Variants in HIP1R observed in about 807,000 individuals in gnomAD.
HIP1R encodes huntingtin interacting protein 1 related.
HIP1R carries 135 observed loss-of-function variants against 144.2 expected under a neutral mutation model. The ratio of observed to expected loss-of-function variants is 0.94; its 90% CI spans 0.81 to 1.08. The LOEUF (loss-of-function observed/expected upper bound fraction) is 1.08, where lower values mean the gene tolerates loss of function less well. Ranked by LOEUF, HIP1R falls within the 50% of genes least tolerant of loss-of-function variation. HIP1R has a pLI of 0.00. For missense variants in HIP1R, 1,462 were observed against 1,432.8 expected (o/e 1.02, Z -0.33); for synonymous variants, 698 against 612.8 (o/e 1.14, Z -2.05).
Position 122,858,084 on chromosome 12 carries a change from CTTCA to C in HIP1R, c.1816-17_1816-14del. 1 of 32,410 alleles carries C rather than the reference CTTCA, an allele frequency of 3.1e-5. No individual in the cohort carries two copies. Among genetic ancestry groups the C allele is most frequent in the Non-Finnish European group, 6.8e-5 (1 of 14,654 alleles). The allele number at this position is 32,410 out of a possible 1,614,324, so 2.0% of individuals were successfully genotyped here. On this transcript the variant is annotated splice_polypyrimidine_tract_variant and intron_variant, in intron 18 of 31. Coordinates refer to ENST00000253083, the MANE Select transcript of HIP1R (RefSeq NM_003959.3). ...TTGGGGAGGATCTCTAACCTGTCCT[CTTCA>C]CCCCCATTGCCAGGAGTCTCAGGAG...
chr12:122,860,737 T>A lies in HIP1R; in HGVS notation c.2719T>A (p.Ser907Thr). Residue 907 changes from serine to threonine, a missense_variant, in exon 28 of 32, where the codon TCC becomes ACC. Ser to Thr is a moderately conservative substitution (Grantham distance 58, BLOSUM62 1). Coordinates refer to ENST00000253083, the MANE Select transcript of HIP1R (RefSeq NM_003959.3). ...TGKYEELIVCSHEIAASTAQL... is the reference protein window; with the variant it reads ...TGKYEELIVCTHEIAASTAQL... Reference sequence around the variant, plus strand: ...CAAGTATGAGGAGCTCATCGTCTGCTCCCACGAGATCGCAGCCAGCACGGC... The same window carrying A: ...CAAGTATGAGGAGCTCATCGTCTGCACCCACGAGATCGCAGCCAGCACGGC... 6.2e-7 allele frequency: 1 copy of A among 1,613,072 alleles called. No individual in the cohort carries two copies. The highest frequency in any genetic ancestry group is 1.1e-5 in the South Asian group (1 of 91,080).
chr12:122,847,262 C>T (rs535463642), intron 1 of HIP1R, among the ~76,000 whole-genome samples: 1 of 150,858 alleles, frequency 6.6e-6, no homozygotes, highest in South Asian at 2.1e-4. Context: ...AGCACAGTCA[C>T]GTCCAGGAAG....
At position 122,860,130 on chromosome 12, in the gene HIP1R, C is replaced by A; in HGVS notation, c.2497-18C>A. On this transcript the variant is annotated intron_variant, in intron 25 of 31. Coordinates refer to ENST00000253083, the MANE Select transcript of HIP1R (RefSeq NM_003959.3). ...GCACCTGGAGGGCCACCAGTCATTG[C>A]TGTCTTGGTCTCGGCAGGCTATCCG... 6.3e-7 allele frequency: 1 copy of A among 1,586,948 alleles called. No individual in the cohort carries two copies. The highest frequency in any genetic ancestry group is 8.6e-7 in the Non-Finnish European group (1 of 1,168,150).
At chr12:122,853,690 C>T (rs1425176283) in intron 7 of HIP1R, 5 of 208,400 alleles carry the variant, frequency 2.4e-5, no homozygotes, top group African/African-American at 6.9e-5. Context: ...CGTGAGCCTC[C>T]TTCCTGCTCT....
intron 18 of HIP1R, chr12:122,857,485 C>T: frequency 3.6e-6 from 2 of 562,686 alleles, no homozygotes; most frequent in South Asian, 2.0e-5. Flanking sequence ...ACTTGGTGGA[C>T]ATTGGGTTTG....
chr12:122,858,276 C>T (rs773794421), intron 19 of HIP1R, 27 bp downstream of exon 19: 55 of 1,576,922 alleles, frequency 3.5e-5, no homozygotes, highest in Non-Finnish European at 4.3e-5. Flanking sequence ...CACTCAGCCG[C>T]TCCCCTGCCT....
chr12:122,852,838 G>A (rs1165385723), intron 7 of HIP1R, among the ~76,000 whole-genome samples: 1 of 152,196 alleles, frequency 6.6e-6, no homozygotes, highest in East Asian at 1.9e-4. Flanking sequence ...CATACGTGTT[G>A]AAGATCCAAG....
Position 122,856,622 on chromosome 12 carries a change from CAGCT to C in HIP1R, c.1519_1522del (p.Leu507ArgfsTer28). 6.2e-7 allele frequency: 1 copy of C among 1,603,892 alleles called. No homozygotes were observed. Among genetic ancestry groups the C allele is most frequent in the Non-Finnish European group, 8.5e-7 (1 of 1,175,234 alleles). On this transcript the variant is annotated splice_acceptor_variant and coding_sequence_variant, in exon 17 of 32. Coordinates refer to ENST00000253083, the MANE Select transcript of HIP1R (RefSeq NM_003959.3). LOFTEE classifies it high-confidence loss of function. ...GCCCCAGTGACACGCTGTCCTGTCC[CAGCT>C]AGAGGAGAAGAGCGACCAGCTGGAG...
rs2033025129 is a variant in HIP1R at position 122,840,368 on chromosome 12, G to T, written c.93+4725G>T. On this transcript the variant is annotated intron_variant, in intron 1 of 31. Coordinates refer to ENST00000253083, the MANE Select transcript of HIP1R (RefSeq NM_003959.3). The surrounding 1 kb of genome is among the most constrained non-coding windows in gnomAD (Gnocchi z 4.2). ...GAGTCATCTTTGTACCCTCTAAGAG[G>T]TGGAGAGATGCCAACTGTGGCCACG... 6.6e-6 allele frequency among the ~76,000 whole-genome samples: 1 copy of T among 152,254 alleles called. No homozygotes were observed. Among genetic ancestry groups the T allele is most frequent in the Non-Finnish European group, 1.5e-5 (1 of 68,054 alleles).
chr12:122,858,434 A>C lies in HIP1R; in HGVS notation c.2049A>C (p.Ala683=). The C allele has an allele frequency of 1.2e-6, 2 of 1,603,266 alleles. No individual in the cohort carries two copies. The highest frequency in any genetic ancestry group is 1.7e-6 in the Non-Finnish European group (2 of 1,173,838). Residue 683 remains alanine (A), a splice_region_variant and synonymous_variant, in exon 20 of 32, where the codon GCA becomes GCC. Transcript: ENST00000253083. ...ACGCCCAGTACCTGACCTCCTTGGC[A>C]GGTGAGTGTAGCCAGGGCAGGGCGG... The part of the protein sequence containing the change: ...EGHAQYLTSL[A]DASALVAALT...
chr12:122,839,994 C>T (rs2033013548), intron 1 of HIP1R, among the ~76,000 whole-genome samples: 1 of 152,236 alleles, frequency 6.6e-6, no homozygotes, highest in Admixed American at 6.5e-5. Context: ...GATTTGCCCG[C>T]AGCATGGCAT....
rs1418525807 is a variant in HIP1R, at chr12:122,855,624, A to G, written c.1055+12A>G. 1.3e-6 allele frequency: 2 copies of G among 1,550,004 alleles called. No homozygotes were observed. The highest frequency in any genetic ancestry group is 1.4e-5 in the African/African-American group (1 of 73,130). ...GTGAAGGACGACAGGTGAGGGCTGG[A>G]GGAGCCGACTGGGCTGGGGGTGGTT... On this transcript the variant is annotated intron_variant, in intron 12 of 31. Coordinates refer to ENST00000253083, the MANE Select transcript of HIP1R (RefSeq NM_003959.3).
At chr12:122,844,566 C>G (rs1022382774) in intron 1 of HIP1R, among the ~76,000 whole-genome samples, 1 of 152,222 alleles carries the variant, frequency 6.6e-6, no homozygotes, top group Non-Finnish European at 1.5e-5. Context: ...CACTGCATCC[C>G]CTGCAGAGCC....
intron 1 of HIP1R, among the ~76,000 whole-genome samples, chr12:122,841,994 T>A (rs2033072336): frequency 6.6e-6 from 1 of 152,176 alleles, no homozygotes; most frequent in Non-Finnish European, 1.5e-5. Flanking sequence ...AGCGGAGCAG[T>A]TGCCCCTGAC....
chr12:122,835,752 G>GGCGGGGGACGGC (rs1185106538), intron 1 of HIP1R, 109 bp downstream of exon 1: 2 of 672,010 alleles, frequency 3.0e-6, no homozygotes, highest in East Asian at 2.4e-4. Context: ...GCCGGCCAGG[G>GGCGGGGGACGGC]GCGGGGGACG....
In HIP1R at chr12:122,836,914, G is replaced by T. The variant is rs573580627; in HGVS notation, c.93+1271G>T. Among the ~76,000 whole-genome samples the T allele has an allele frequency of 2.0e-5, 3 of 152,340 alleles. 1 individual carries two copies. The East Asian group carries it at 5.8e-4, about 29-fold the overall frequency. ...GATATCAAGGCTTTAGAAATGCGAA[G>T]TGCTGGAACCCAGGTGGCTGCAAAT... On this transcript the variant is annotated intron_variant, in intron 1 of 31. Transcript: ENST00000253083. This position sits in a 1 kb window ranked among gnomAD's most constrained non-coding sequence, Gnocchi z 4.1.
intron 1 of HIP1R, among the ~76,000 whole-genome samples, chr12:122,842,420 A>G (rs2033082347): frequency 6.6e-6 from 1 of 152,256 alleles, no homozygotes; most frequent in South Asian, 2.1e-4. Flanking sequence ...GAAGTCGTCC[A>G]GTACTTGTCT....
At chr12:122,844,127 C>T (rs2033141711) in intron 1 of HIP1R, among the ~76,000 whole-genome samples, 1 of 152,092 alleles carries the variant, frequency 6.6e-6, no homozygotes, top group African/African-American at 2.4e-5. Context: ...GCATGAGCCA[C>T]CACACCTGGC....
chr12:122,856,585 C>A, intron 16 of HIP1R, 37 bp downstream of exon 16: 1 of 1,598,092 alleles, frequency 6.3e-7, no homozygotes, highest in African/African-American at 1.3e-5. Context: ...GCCCCGGCAT[C>A]CCCAGCCCAC....
Sources: gnomAD v4.1 joint callset for allele counts (sites outside exome capture counted in the v4.1 genomes callset) on GRCh38, gnomAD v4.1.1 for gene constraint, Gnocchi (gnomAD v3.1) non-coding constraint, MANE v1.5 for transcripts, NCBI Gene and HGNC (gene_info 2026-07-23, HGNC 2026-07-21) for gene names.